ARHGAP35: variants seen among roughly 807,000 people sequenced by gnomAD.
ARHGAP35 encodes the protein rho GTPase-activating protein 35.
Under a neutral mutation model 111.1 loss-of-function variants are expected in ARHGAP35, and 15 were observed. The ratio of observed to expected loss-of-function variants is 0.13; its 90% confidence interval spans 0.09 to 0.21. The LOEUF (loss-of-function observed/expected upper bound fraction) is 0.21. ARHGAP35 is among the 10% of genes least tolerant of loss of function. The pLI, the probability that ARHGAP35 is intolerant of heterozygous loss-of-function variation, is 1.00. For synonymous variants in ARHGAP35, 643 were observed against 710.3 expected (o/e 0.91, Z 1.51); for missense variants, 1,262 against 1,873.0 (o/e 0.67, Z 6.02).
Position 46,921,015 on chromosome 19 carries a change from T to C in ARHGAP35, c.2340T>C (p.Val780=). ...STASIKDLAD[V]DLRIVMCLMC... is the part of the protein sequence containing the mutation. ...CTAGCATCAAAGATTTGGCTGATGT[T>C]GATCTGCGAATTGTTATGTGTCTGA... Residue 780 remains valine, a synonymous_variant, in exon 2 of 7, where the codon GTT becomes GTC. Coordinates refer to ENST00000672722, the MANE Select transcript of ARHGAP35 (RefSeq NM_004491.5). This position sits in a 1 kb window ranked among gnomAD's most constrained non-coding sequence, Gnocchi z 4.3. The C allele has an allele frequency of 6.2e-7, 1 of 1,614,034 alleles. No homozygotes were observed. Among genetic ancestry groups the C allele is most frequent in the East Asian group, 2.2e-5 (1 of 44,890 alleles).
intron 1 of ARHGAP35, among the ~76,000 whole-genome samples, chr19:46,882,861 C>G (rs1186845402): frequency 6.6e-6 from 1 of 152,194 alleles, no homozygotes; most frequent in Non-Finnish European, 1.5e-5. Context: ...CAGGCTGTTT[C>G]ACTTTATCAC....
chr19:46,922,875 G>C lies in ARHGAP35; in HGVS notation c.3681+519G>C, dbSNP rs2056211913. Among the ~76,000 whole-genome samples, 1 of 152,146 alleles carries C rather than the reference G, an allele frequency of 6.6e-6. No homozygotes were observed. The highest frequency in any genetic ancestry group is 2.1e-4 in the South Asian group (1 of 4,816). Reference sequence around the variant, plus strand: ...GTCTTTGAGTACATAAATGAAAAAAGAGAATCTTGCCACTGAGAGTTATAA... The same window carrying C: ...GTCTTTGAGTACATAAATGAAAAAACAGAATCTTGCCACTGAGAGTTATAA... On this transcript the variant is annotated intron_variant, in intron 2 of 6. Transcript: ENST00000672722. The surrounding 1 kb of genome is among the most constrained non-coding windows in gnomAD (Gnocchi z 4.0).
In ARHGAP35 at chr19:46,884,100, G is replaced by C. The variant is rs1212828225; in HGVS notation, c.-189+22891G>C. On this transcript the variant is annotated intron_variant, in intron 1 of 6. Transcript: ENST00000672722. ...TACGAGTTTACTAGTTTTTAGCTTT[G>C]TCAAGGAGAGAATTTAAAAAAGAAA... Among the ~76,000 whole-genome samples the C allele has an allele frequency of 4.6e-5, 7 of 152,200 alleles. No homozygotes were observed. The South Asian group carries it at 1.2e-3, about 27-fold the overall frequency.
chr19:46,918,585 C>T lies in ARHGAP35; in HGVS notation c.-91C>T. ...TGGCATTTTTGCTGCATGTCCAGCC[C>T]ACCCCCACTAATAATGTAGGAAGCT... On this transcript the variant is annotated 5_prime_UTR_variant, in exon 2 of 7. Coordinates refer to ENST00000672722, the MANE Select transcript of ARHGAP35 (RefSeq NM_004491.5). This position sits in a 1 kb window ranked among gnomAD's most constrained non-coding sequence, Gnocchi z 5.4. 1.5e-6 allele frequency: 2 copies of T among 1,334,368 alleles called. No individual in the cohort carries two copies. The highest frequency in any genetic ancestry group is 2.1e-6 in the Non-Finnish European group (2 of 956,752). 82.7% of individuals were successfully genotyped at this position (1,334,368 alleles called of 1,614,324 possible). A position where few individuals can be genotyped will look rare whatever the true frequency, so the allele number is the denominator to read the frequency against.
At chr19:46,914,710 T>G (rs2122186174) in intron 1 of ARHGAP35, among the ~76,000 whole-genome samples, 1 of 152,352 alleles carries the variant, frequency 6.6e-6, no homozygotes, top group East Asian at 1.9e-4. Flanking sequence ...TTAAAAAATA[T>G]AACCAAGGTG....
Position 46,875,056 on chromosome 19 carries a change from C to T in ARHGAP35, c.-189+13847C>T, listed in dbSNP as rs562131105. ...CGAACTCCTGACCTTGTGATCTGCCCGCCTCGGCCTTCCAAGAAGTGCAGG... is the reference window on the plus strand; with the variant it reads ...CGAACTCCTGACCTTGTGATCTGCCTGCCTCGGCCTTCCAAGAAGTGCAGG... On this transcript the variant is annotated intron_variant, in intron 1 of 6. Transcript: ENST00000672722. Among the ~76,000 whole-genome samples the T allele has an allele frequency of 3.4e-4, 52 of 151,770 alleles. 2 individuals are homozygous for T. Among genetic ancestry groups the T allele is most frequent in the African/African-American group, 1.2e-3 (48 of 41,324 alleles).
chr19:46,884,214 G>T (rs1599798220), intron 1 of ARHGAP35, among the ~76,000 whole-genome samples: 1 of 152,024 alleles, frequency 6.6e-6, no homozygotes, highest in East Asian at 1.9e-4. Context: ...TGGAAGCGAA[G>T]GCAGGAGGAT....
At chr19:46,952,412 A>C (rs1353744802) in intron 3 of ARHGAP35, among the ~76,000 whole-genome samples, 3 of 152,230 alleles carry the variant, frequency 2.0e-5, no homozygotes, top group Non-Finnish European at 2.9e-5. Flanking sequence ...CCTGCAAAAT[A>C]ATCTGTAATT....
chr19:46,931,179 T>C (rs766691425), intron 2 of ARHGAP35, among the ~76,000 whole-genome samples: 12 of 152,146 alleles, frequency 7.9e-5, no homozygotes, highest in African/African-American at 2.7e-4. Context: ...ACCACAGAGA[T>C]AGTCTGCGTC....
At chr19:46,927,564 G>A (rs2056245576) in intron 2 of ARHGAP35, among the ~76,000 whole-genome samples, 1 of 152,210 alleles carries the variant, frequency 6.6e-6, no homozygotes, top group Admixed American at 6.5e-5. Context: ...CTCTGGAGAG[G>A]TGAGGGGGAC....
chr19:46,920,243 T>C lies in ARHGAP35; in HGVS notation c.1568T>C (p.Val523Ala). The C allele has an allele frequency of 6.2e-7, 1 of 1,614,038 alleles. No homozygotes were observed. The highest frequency in any genetic ancestry group is 1.1e-5 in the South Asian group (1 of 91,076). ...SKEKMGVIQD[V>A]LGEEQRFKAL... ...GAGAAGATGGGTGTTATTCAGGATG[T>C]TCTGGGAGAGGAACAGCGATTTAAA... Residue 523 changes from valine (V) to alanine (A), a missense_variant, in exon 2 of 7, where the codon GTT (valine) becomes GCT (alanine). Coordinates refer to ENST00000672722, the MANE Select transcript of ARHGAP35 (RefSeq NM_004491.5). The surrounding 1 kb of genome is among the most constrained non-coding windows in gnomAD (Gnocchi z 7.0).
intron 3 of ARHGAP35, among the ~76,000 whole-genome samples, chr19:46,962,542 A>T (rs1432169813): frequency 1.3e-5 from 2 of 152,252 alleles, no homozygotes; most frequent in Admixed American, 1.3e-4. Flanking sequence ...CAGGCAGTAG[A>T]CAAGGGTGGG....
chr19:46,919,570 A>G lies in ARHGAP35; in HGVS notation c.895A>G (p.Met299Val), dbSNP rs1276436276. ...GAACTGGCTGAGTGTCAGCCGAAAG[A>G]TGCAGGCCTCTCCAGAATACCAGGA... is the stretch of plus-strand genomic sequence containing the variant. ...NENWLSVSRK[M>V]QASPEYQDYV... Residue 299 changes from methionine to valine, a missense_variant, in exon 2 of 7, where the codon ATG (methionine) becomes GTG (valine). Coordinates refer to ENST00000672722, the MANE Select transcript of ARHGAP35 (RefSeq NM_004491.5). The surrounding 1 kb of genome is among the most constrained non-coding windows in gnomAD (Gnocchi z 6.2). The G allele has an allele frequency of 1.9e-6, 3 of 1,613,948 alleles. No homozygotes were observed. In the South Asian group the frequency reaches 3.3e-5, roughly 18 times the overall value.
rs1177164492 is a variant in ARHGAP35, at chr19:46,945,036, C to A, written c.3826+7628C>A. 6.6e-6 allele frequency among the ~76,000 whole-genome samples: 1 copy of A among 152,078 alleles called. No homozygotes were observed. Among genetic ancestry groups the A allele is most frequent in the Admixed American group, 6.6e-5 (1 of 15,260 alleles). Reference sequence around the variant, plus strand: ...TTTAGGACAGCCCAGCCCCGGACACCCTCTGTGCTTGCTGTGCTAATAGGA... The same window carrying A: ...TTTAGGACAGCCCAGCCCCGGACACACTCTGTGCTTGCTGTGCTAATAGGA... On this transcript the variant is annotated intron_variant, in intron 3 of 6. Transcript: ENST00000672722. This position sits in a 1 kb window ranked among gnomAD's most constrained non-coding sequence, Gnocchi z 4.1.
intron 2 of ARHGAP35, among the ~76,000 whole-genome samples, chr19:46,931,960 G>T (rs1030671166): frequency 3.3e-5 from 5 of 152,162 alleles, no homozygotes; most frequent in Non-Finnish European, 7.4e-5. Flanking sequence ...GGGAATCTCT[G>T]TTCCATTTTT....
At chr19:46,976,833 C>T (rs528937425) in intron 3 of ARHGAP35, among the ~76,000 whole-genome samples, 15 of 152,320 alleles carry the variant, frequency 9.8e-5, no homozygotes, top group African/African-American at 2.9e-4. Context: ...CTGGGGGCTC[C>T]GGTGGCCCTT....
chr19:46,923,579 C>G (rs1257550163), intron 2 of ARHGAP35, among the ~76,000 whole-genome samples: 2 of 151,428 alleles, frequency 1.3e-5, no homozygotes, highest in Non-Finnish European at 2.9e-5. Flanking sequence ...GAGAAATACT[C>G]TTCCCCCCCA....
At chr19:46,967,962 T>C (rs2056524885) in intron 3 of ARHGAP35, among the ~76,000 whole-genome samples, 1 of 152,220 alleles carries the variant, frequency 6.6e-6, no homozygotes, top group African/African-American at 2.4e-5. Flanking sequence ...CGCCCTGTGC[T>C]TTCCCAGTGA....
intron 3 of ARHGAP35, among the ~76,000 whole-genome samples, chr19:46,943,327 G>A (rs1405651333): frequency 6.6e-6 from 1 of 152,180 alleles, no homozygotes; most frequent in Non-Finnish European, 1.5e-5. Context: ...TGACTGAGCA[G>A]GGGGTTGAGC....
Sources: allele counts gnomAD v4.1 joint callset (sites outside exome capture counted in the v4.1 genomes callset), GRCh38; gene constraint gnomAD v4.1.1; non-coding constraint Gnocchi (gnomAD v3.1); transcripts MANE v1.5; gene names NCBI Gene and HGNC (gene_info 2026-07-23, HGNC 2026-07-21).